NOC2L: variants seen among roughly 807,000 people sequenced by gnomAD.
The protein encoded by NOC2L is nucleolar complex protein 2 homolog.
Under a neutral mutation model 94.2 loss-of-function variants are expected in NOC2L, and 101 were observed. The ratio of observed to expected loss-of-function variants is 1.07; its 90% CI spans 0.91 to 1.26. The LOEUF (loss-of-function observed/expected upper bound fraction) is 1.26, where lower values mean the gene tolerates loss of function less well. NOC2L is among the 50% of genes most tolerant of loss of function. NOC2L has a pLI of 0.00. For synonymous variants in NOC2L, 531 were observed against 413.4 expected (o/e 1.28, Z -3.45); for missense variants, 1,076 against 980.1 (o/e 1.10, Z -1.31).
intron 8 of NOC2L, 55 bp downstream of exon 8, chr1:953,727 G>A: frequency 7.7e-7 from 1 of 1,300,808 alleles, no homozygotes; most frequent in South Asian, 1.2e-5. Context: ...GGTGGGGGTA[G>A]CCGTGTGGCC....
At chr1:952,301 G>C in intron 10 of NOC2L, 111 bp downstream of exon 10, 1 of 1,442,378 alleles carries the variant, frequency 6.9e-7, no homozygotes, top group South Asian at 1.3e-5. Context: ...CAGGGTGCTG[G>C]GCTGTCTCCA....
intron 2 of NOC2L, 108 bp from the exon 3 acceptor site, chr1:957,381 A>G (rs1273576263): frequency 1.2e-5 from 13 of 1,099,556 alleles, no homozygotes; most frequent in African/African-American, 4.7e-5. Flanking sequence ...AACTAGCAAG[A>G]CAGGATTGCC....
chr1:944,937 C>A, intron 18 of NOC2L, 120 bp downstream of exon 18: 2 of 1,522,850 alleles, frequency 1.3e-6, no homozygotes, highest in South Asian at 1.2e-5. Flanking sequence ...GAGCATTTGG[C>A]CTGGCCTTCC....
At chr1:944,904 C>T in intron 18 of NOC2L, 104 bp from the exon 19 acceptor site, 1 of 1,377,008 alleles carries the variant, frequency 7.3e-7, no homozygotes, top group Non-Finnish European at 1.0e-6. Context: ...TAATTTATCC[C>T]TGTTGCTGGC....
intron 12 of NOC2L, 123 bp downstream of exon 12, chr1:951,004 G>C: frequency 1.3e-6 from 1 of 749,548 alleles, no homozygotes; most frequent in Non-Finnish European, 2.4e-6. Context: ...CGTGACACCC[G>C]TGACAAGGAG....
intron 18 of NOC2L, 51 bp from the exon 19 acceptor site, chr1:944,851 C>T: frequency 4.3e-6 from 6 of 1,382,708 alleles, no homozygotes; most frequent in Non-Finnish European, 6.0e-6. Flanking sequence ...AGGAAGAAGC[C>T]AGCCTTAGAG....
rs373354096 is a variant in NOC2L, at chr1:946,377, G to C, written c.1803+25C>G. The stretch of plus-strand genomic sequence containing the variant: ...TATACCCTGGCAGGTGCCCTCAGGT[G>C]GCACTACCCCCAGGGCCCACTAACC... On this transcript the variant is annotated intron_variant, in intron 15 of 18. Coordinates refer to ENST00000327044, the MANE Select transcript of NOC2L (RefSeq NM_015658.4). 1.9e-6 allele frequency: 3 copies of C among 1,613,276 alleles called. No homozygotes were observed. The African/African-American group carries it at 4.0e-5, about 22-fold the overall frequency.
chr1:952,523 C>T lies in NOC2L; in HGVS notation c.1080G>A (p.Trp360Ter). The T allele has an allele frequency of 1.2e-6, 2 of 1,613,934 alleles. No homozygotes were observed. Among genetic ancestry groups the T allele is most frequent in the South Asian group, 1.1e-5 (1 of 91,088 alleles). The change falls in exon 10 of 19, where the codon TGG becomes TGA. Residue 360 changes from tryptophan to a stop codon, truncating the protein, a stop_gained. Transcript: ENST00000327044. LOFTEE classifies it high-confidence loss of function. ...GALPFISFMQ[W>*]TLTELLALEP... Reference sequence around the variant, plus strand: ...CCAGGGCCAGCAGCTCCGTCAAGGTCCACTGCATGAAACTGATGAAGGGGA... The same window carrying T: ...CCAGGGCCAGCAGCTCCGTCAAGGTTCACTGCATGAAACTGATGAAGGGGA...
intron 6 of NOC2L, 73 bp from the exon 7 acceptor site, chr1:954,155 C>A (rs750652555): frequency 6.9e-7 from 1 of 1,448,922 alleles, no homozygotes; most frequent in Non-Finnish European, 9.6e-7. Flanking sequence ...CATGTTGGCG[C>A]GTGCCCTGGC....
intron 14 of NOC2L, among the ~76,000 whole-genome samples, chr1:947,428 G>A (rs953492777): frequency 6.6e-6 from 1 of 152,200 alleles, no homozygotes; most frequent in Admixed American, 6.5e-5. Flanking sequence ...GACCAATTGT[G>A]GCTCATGTGA....
At position 952,058 on chromosome 1, in the gene NOC2L, T is replaced by C; in HGVS notation, c.1273A>G (p.Ser425Gly). 4 of 1,613,616 alleles carry C rather than the reference T, an allele frequency of 2.5e-6. No homozygotes were observed. The highest frequency in any genetic ancestry group is 2.7e-5 in the African/African-American group (2 of 75,030). ...TAGACCAAGGGCTGGAGGGCTTCGC[T>C]GGGGCCCGCAGTGCTCAGGACCCGG... is the stretch of plus-strand genomic sequence containing the variant. ...WCRVLSTAGP[S>G]EALQPLVYPL... is the part of the protein sequence containing the mutation. The change falls in exon 11 of 19, where the codon AGC becomes GGC. Residue 425 changes from serine (S) to glycine (G), a missense_variant. Transcript: ENST00000327044.
chr1:947,706 CTGA>C (rs1007573191), intron 14 of NOC2L, among the ~76,000 whole-genome samples: 4 of 152,190 alleles, frequency 2.6e-5, no homozygotes, highest in African/African-American at 7.2e-5. Context: ...TCCTATGAGG[CTGA>C]TGTGGGGTAT....
intron 13 of NOC2L, 53 bp from the exon 14 acceptor site, chr1:948,285 A>G: frequency 2.1e-6 from 3 of 1,418,512 alleles, no homozygotes; most frequent in Non-Finnish European, 2.9e-6. Context: ...GGGGCTGGGC[A>G]CTCAGGCCCC....
At chr1:945,322 C>A (rs1237247530) in intron 17 of NOC2L, 176 bp from the exon 18 acceptor site, 1 of 966,716 alleles carries the variant, frequency 1.0e-6, no homozygotes, top group African/African-American at 1.7e-5. Context: ...GACAGAGTTA[C>A]CAATCCCAGT....
intron 12 of NOC2L, 100 bp from the exon 13 acceptor site, chr1:948,703 C>A (rs1451104710): frequency 2.0e-6 from 2 of 1,010,096 alleles, no homozygotes; most frequent in South Asian, 1.3e-5. Flanking sequence ...TGGCCCTGCA[C>A]CTGGCTGCAC....
intron 15 of NOC2L, 41 bp downstream of exon 15, chr1:946,361 G>A (rs1250111592): frequency 9.3e-5 from 150 of 1,613,166 alleles, no homozygotes; most frequent in Non-Finnish European, 1.3e-4. Context: ...CTATACCCTG[G>A]CAGGTGCCCT....
At chr1:949,775 C>T (rs78729032) in intron 12 of NOC2L, among the ~76,000 whole-genome samples, 1 of 152,130 alleles carries the variant, frequency 6.6e-6, no homozygotes, top group African/African-American at 2.4e-5. Context: ...CTGCTGGCTG[C>T]CATGGGAGTG....
Position 956,191 on chromosome 1 carries a change from G to A in NOC2L, c.511C>T (p.His171Tyr), listed in dbSNP as rs763630029. 2.3e-5 allele frequency: 37 copies of A among 1,613,736 alleles called. No individual in the cohort carries two copies. Among genetic ancestry groups the A allele is most frequent in the Non-Finnish European group, 5.1e-6 (6 of 1,180,026 alleles). Reference protein sequence around the residue: ...AKQRLTPKLFHEVVQAFRAAV... With the variant: ...AKQRLTPKLFYEVVQAFRAAV... ...GCTCGGAACGCCTGTACCACTTCAT[G>A]GAACAGCTTTGGAGTGAGGCGTTGC... The change falls in exon 5 of 19, where the codon CAT becomes TAT. Residue 171 changes from histidine (H) to tyrosine (Y), a missense_variant. Physicochemically the swap from His to Tyr is moderately conservative, Grantham distance 83. Coordinates refer to ENST00000327044, the MANE Select transcript of NOC2L (RefSeq NM_015658.4).
rs1489131507 is a variant in NOC2L at position 946,479 on chromosome 1, T to TC, written c.1725dup (p.Lys576GlufsTer22). 1.2e-6 allele frequency: 2 copies of TC among 1,613,212 alleles called. No homozygotes were observed. Among genetic ancestry groups the TC allele is most frequent in the Non-Finnish European group, 1.7e-6 (2 of 1,179,990 alleles). ...ATGTATGCCGAGTTCTCCTGAACCT[T>TC]CCCAAGCAGCTGCTGCACCTGCCGG... On this transcript the variant is annotated frameshift_variant, in exon 15 of 19. Transcript: ENST00000327044. LOFTEE classifies it high-confidence loss of function.
Sources: allele counts gnomAD v4.1 joint callset (sites outside exome capture counted in the v4.1 genomes callset), GRCh38; gene constraint gnomAD v4.1.1; transcripts MANE v1.5; gene names NCBI Gene and HGNC (gene_info 2026-07-23, HGNC 2026-07-21).